KCNK3: variants seen among roughly 807,000 people sequenced by gnomAD.
KCNK3 encodes potassium two pore domain channel subfamily K member 3.
Under a neutral mutation model 27.3 loss-of-function variants are expected in KCNK3, and 9 were observed. The ratio of observed to expected loss-of-function variants is 0.33; its 90% CI spans 0.20 to 0.57. The LOEUF is 0.57. Ranked by LOEUF, KCNK3 falls within the 20% of genes least tolerant of loss-of-function variation. The pLI is 0.87. For missense variants in KCNK3, 391 were observed against 577.7 expected (o/e 0.68, Z 3.31); for synonymous variants, 278 against 273.8 (o/e 1.02, Z -0.15).
chr2:26,701,471 G>T (rs1670307359), intron 1 of KCNK3, among the ~76,000 whole-genome samples: 1 of 152,162 alleles, frequency 6.6e-6, no homozygotes, highest in South Asian at 2.1e-4. Context: ...CTCAGTTGTT[G>T]CCATTTCCTC....
intron 1 of KCNK3, among the ~76,000 whole-genome samples, chr2:26,720,021 G>A (rs1663299407): frequency 6.6e-6 from 1 of 152,160 alleles, no homozygotes; most frequent in African/African-American, 2.4e-5. Flanking sequence ...CCAGCACTTT[G>A]GGAGGCCGAG....
Position 26,728,807 on chromosome 2 carries a change from T to C in KCNK3, c.*239T>C. 2 of 401,606 alleles carry C rather than the reference T, an allele frequency of 5.0e-6. No individual in the cohort carries two copies. The highest frequency in any genetic ancestry group is 8.7e-6 in the Non-Finnish European group (2 of 229,190). 24.9% of individuals were successfully genotyped at this position (401,606 alleles called of 1,614,324 possible). A position where few individuals can be genotyped will look rare whatever the true frequency, so the allele number is the denominator to read the frequency against. On this transcript the variant is annotated 3_prime_UTR_variant, in exon 2 of 2. Coordinates refer to ENST00000302909, the MANE Select transcript of KCNK3 (RefSeq NM_002246.3). ...AAATTCCGAGAAATGTGAAACTTGG[T>C]GGGGTCAGGGAGGAAAGGCAGAAGC...
chr2:26,721,101 A>G lies in KCNK3; in HGVS notation c.284-6566A>G, dbSNP rs1381274898. Among the ~76,000 whole-genome samples, 1 of 151,932 alleles carries G rather than the reference A, an allele frequency of 6.6e-6. No individual in the cohort carries two copies. The highest frequency in any genetic ancestry group is 2.4e-5 in the African/African-American group (1 of 41,358). On this transcript the variant is annotated intron_variant, in intron 1 of 1. Coordinates refer to ENST00000302909, the MANE Select transcript of KCNK3 (RefSeq NM_002246.3). This position sits in a 1 kb window ranked among gnomAD's most constrained non-coding sequence, Gnocchi z 4.3. ...GATGTCTAAGGGGTGGTTTCTCATC[A>G]CCATCCCAGACCTCAGAGTCCTTCA...
In KCNK3 at chr2:26,692,755, C is replaced by A; in HGVS notation, c.-121C>A. The A allele has an allele frequency of 2.1e-6, 1 of 467,552 alleles. No individual in the cohort carries two copies. The highest frequency in any genetic ancestry group is 2.8e-6 in the Non-Finnish European group (1 of 358,636). The allele number at this position is 467,552 out of a possible 1,614,324, so 29.0% of individuals were successfully genotyped here. A position where few individuals can be genotyped will look rare whatever the true frequency, so the allele number is the denominator to read the frequency against. ...CGGCCCCGGGCGCTGAGCGGGTGCC[C>A]GGCGCGGAGAGCGGCGAGCGCAGCC... On this transcript the variant is annotated 5_prime_UTR_variant, in exon 1 of 2. Transcript: ENST00000302909. The surrounding 1 kb of genome is among the most constrained non-coding windows in gnomAD (Gnocchi z 5.6).
chr2:26,693,165 G>A lies in KCNK3; in HGVS notation c.283+7G>A. 1 of 1,280,924 alleles carries A rather than the reference G, an allele frequency of 7.8e-7. No individual in the cohort carries two copies. The allele number at this position is 1,280,924 out of a possible 1,614,324, so 79.3% of individuals were successfully genotyped here. A position where few individuals can be genotyped will look rare whatever the true frequency, so the allele number is the denominator to read the frequency against. ...ACCGTCATCACCACCATCGGTAACG[G>A]CTCGCCGGGCGGGGGGCGGGAACCC... On this transcript the variant is annotated splice_region_variant and intron_variant, in intron 1 of 1. Coordinates refer to ENST00000302909, the MANE Select transcript of KCNK3 (RefSeq NM_002246.3). The surrounding 1 kb of genome is among the most constrained non-coding windows in gnomAD (Gnocchi z 5.5).
intron 1 of KCNK3, among the ~76,000 whole-genome samples, chr2:26,694,231 C>T (rs1165504893): frequency 6.6e-6 from 1 of 152,174 alleles, no homozygotes; most frequent in Non-Finnish European, 1.5e-5. Context: ...AGAGCTCCTC[C>T]CCAGCCCCGA....
intron 1 of KCNK3, among the ~76,000 whole-genome samples, chr2:26,717,090 C>T (rs1028203293): frequency 5.3e-5 from 8 of 152,212 alleles, no homozygotes; most frequent in African/African-American, 1.2e-4. Context: ...TGGCCCTTTA[C>T]AGGAAACAGT....
At chr2:26,701,958 T>TC (rs2148256663) in intron 1 of KCNK3, among the ~76,000 whole-genome samples, 1 of 152,036 alleles carries the variant, frequency 6.6e-6, no homozygotes, top group East Asian at 2.0e-4. Context: ...AATCAATAAA[T>TC]AAAAACTTTT....
rs147615491 is a variant in KCNK3, at chr2:26,705,455, T to C, written c.283+12297T>C. ...ATTCCTACTTTGCCAACAAAGAAATTGGACTTGAGAGATAAGGTCACTTCC... is the reference window on the plus strand; with the variant it reads ...ATTCCTACTTTGCCAACAAAGAAATCGGACTTGAGAGATAAGGTCACTTCC... On this transcript the variant is annotated intron_variant, in intron 1 of 1. Transcript: ENST00000302909. 2.0e-4 allele frequency among the ~76,000 whole-genome samples: 31 copies of C among 152,222 alleles called. No individual in the cohort carries two copies. The East Asian group carries it at 5.4e-3, about 27-fold the overall frequency.
At position 26,702,880 on chromosome 2, in the gene KCNK3, CA is replaced by C. The variant is rs199973314; in HGVS notation, c.283+9725del. On this transcript the variant is annotated intron_variant, in intron 1 of 1. Transcript: ENST00000302909. ...TCTGTAGTCCCAGCATTTTGGGAGT[CA>C]AAGGCGGGTGGATCACTTGAGGTTG... Among the ~76,000 whole-genome samples the C allele has an allele frequency of 8.3e-3, 1,262 of 152,126 alleles. 13 individuals carry two copies. Among genetic ancestry groups the C allele is most frequent in the Non-Finnish European group, 0.014 (945 of 67,980 alleles).
At chr2:26,726,114 G>C (rs397834162) in intron 1 of KCNK3, among the ~76,000 whole-genome samples, 10 of 141,048 alleles carry the variant, frequency 7.1e-5, no homozygotes, top group African/African-American at 3.0e-4. Flanking sequence ...CACAGAGAGA[G>C]AGAGAGAGAG....
At chr2:26,717,783 G>T (rs778411995) in intron 1 of KCNK3, among the ~76,000 whole-genome samples, 2 of 152,086 alleles carry the variant, frequency 1.3e-5, no homozygotes, top group Non-Finnish European at 1.5e-5. Flanking sequence ...GTGTGGCATT[G>T]CCTGCTTTAG....
At position 26,693,107 on chromosome 2, in the gene KCNK3, T is replaced by C. The variant is rs1670190463; in HGVS notation, c.232T>C (p.Trp78Arg). 1 of 1,592,362 alleles carries C rather than the reference T, an allele frequency of 6.3e-7. No individual in the cohort carries two copies. Among genetic ancestry groups the C allele is most frequent in the Non-Finnish European group, 8.6e-7 (1 of 1,169,336 alleles). ...RLKPHKAGVQWRFAGSFYFAI... is the reference protein window; with the variant it reads ...RLKPHKAGVQRRFAGSFYFAI... ...CAAGCCGCACAAGGCCGGCGTGCAG[T>C]GGCGCTTCGCCGGCTCCTTCTACTT... The change falls in exon 1 of 2, where the codon TGG (tryptophan) becomes CGG (arginine). Residue 78 changes from tryptophan to arginine, a missense_variant. Transcript: ENST00000302909. The surrounding 1 kb of genome is among the most constrained non-coding windows in gnomAD (Gnocchi z 5.5).
chr2:26,692,914 G>A lies in KCNK3; in HGVS notation c.39G>A (p.Val13=), dbSNP rs1490844068. The change falls in exon 1 of 2, where the codon GTG becomes GTA. Residue 13 remains valine, a synonymous_variant. Transcript: ENST00000302909. This position sits in a 1 kb window ranked among gnomAD's most constrained non-coding sequence, Gnocchi z 5.6. ...ACGTGCGCACGCTGGCGCTCATCGT[G>A]TGCACCTTCACCTACCTGCTGGTGG... ...RQNVRTLALI[V]CTFTYLLVGA... 3.3e-6 allele frequency: 5 copies of A among 1,521,516 alleles called. No homozygotes were observed. The highest frequency in any genetic ancestry group is 2.8e-5 in the African/African-American group (2 of 70,260). The allele number at this position is 1,521,516 out of a possible 1,614,324, so 94.3% of individuals were successfully genotyped here.
At position 26,709,051 on chromosome 2, in the gene KCNK3, C is replaced by T. The variant is rs148399657; in HGVS notation, c.283+15893C>T. On this transcript the variant is annotated intron_variant, in intron 1 of 1. Coordinates refer to ENST00000302909, the MANE Select transcript of KCNK3 (RefSeq NM_002246.3). ...GTAGGAGTTGGGGGAAGAGAACAAT[C>T]GAGAATGGTCCTCAGTTTTTGACCT... Among the ~76,000 whole-genome samples, 553 of 152,208 alleles carry T rather than the reference C, an allele frequency of 3.6e-3. 4 individuals are homozygous for T. The highest frequency in any genetic ancestry group is 7.0e-3 in the Non-Finnish European group (473 of 68,018).
At chr2:26,715,348 G>A (rs1731246) in intron 1 of KCNK3, among the ~76,000 whole-genome samples, 1 of 152,228 alleles carries the variant, frequency 6.6e-6, no homozygotes, top group East Asian at 1.9e-4. Flanking sequence ...TTATTACTAC[G>A]GCTGCTTTTG....
At chr2:26,723,948 C>T (rs1390882566) in intron 1 of KCNK3, among the ~76,000 whole-genome samples, 1 of 152,234 alleles carries the variant, frequency 6.6e-6, no homozygotes, top group South Asian at 2.1e-4. Context: ...GCCCCTCACC[C>T]AGAGACTCGA....
chr2:26,720,957 G>C (rs1210527593), intron 1 of KCNK3, among the ~76,000 whole-genome samples: 2 of 152,152 alleles, frequency 1.3e-5, no homozygotes, highest in Admixed American at 6.5e-5. Context: ...GTGCAGGGGG[G>C]ATTCCTTCTG....
chr2:26,730,070 C>G lies in KCNK3; in HGVS notation c.*1502C>G, dbSNP rs1663508443. On this transcript the variant is annotated 3_prime_UTR_variant, in exon 2 of 2. Transcript: ENST00000302909. ...CCAGGAGGCAGCAGCTCTGAATGGG[C>G]CCCTGAGGCTGCACAGGGGCCTTTG... 1 of 152,224 alleles carries G rather than the reference C, an allele frequency of 6.6e-6. No individual in the cohort carries two copies. The highest frequency in any genetic ancestry group is 2.4e-5 in the African/African-American group (1 of 41,422). The allele number at this position is 152,224 out of a possible 1,614,324, so 9.4% of individuals were successfully genotyped here.
Sources: allele counts gnomAD v4.1 joint callset (sites outside exome capture counted in the v4.1 genomes callset), GRCh38; gene constraint gnomAD v4.1.1; non-coding constraint Gnocchi (gnomAD v3.1); transcripts MANE v1.5; gene names NCBI Gene and HGNC (gene_info 2026-07-23, HGNC 2026-07-21).